Variants in PTPRK observed in about 807,000 individuals in gnomAD.
The protein encoded by PTPRK is protein tyrosine phosphatase receptor type K, also known as receptor-type tyrosine-protein phosphatase kappa.
In PTPRK, 75 loss-of-function variants were observed where a neutral mutation model predicts 178.0. That is an observed-to-expected ratio of 0.42 (90% CI 0.35 to 0.51). The LOEUF is 0.51. Ranked by LOEUF, PTPRK falls within the 20% of genes least tolerant of loss-of-function variation. The pLI is 0.02. For synonymous variants in PTPRK, 637 were observed against 620.6 expected (o/e 1.03, Z -0.39); for missense variants, 1,441 against 1,797.8 (o/e 0.80, Z 3.59).
At position 128,273,503 on chromosome 6, in the gene PTPRK, C is replaced by A. The variant is rs79693709; in HGVS notation, c.496-30901G>T. Among the ~76,000 whole-genome samples, 953 of 152,256 alleles carry A rather than the reference C, an allele frequency of 6.3e-3. 11 individuals are homozygous for A. The highest frequency in any genetic ancestry group is 0.022 in the African/African-American group (902 of 41,558). ...TCCTATGTAAAATTGAGTTTACAAG[C>A]CTTTGAAGCTCAAAACTAAACAACC... On this transcript the variant is annotated intron_variant, in intron 3 of 29. Transcript: ENST00000368226.
chr6:128,107,240 A>T lies in PTPRK; in HGVS notation c.1163-17248T>A, dbSNP rs182261843. On this transcript the variant is annotated intron_variant, in intron 7 of 29. Transcript: ENST00000368226. ...AATTGTTTGTTTTTAGAAGAAATTT[A>T]TAGCATAAATGGAAGGCCTTAAGAA... Among the ~76,000 whole-genome samples, 590 of 152,182 alleles carry T rather than the reference A, an allele frequency of 3.9e-3. 5 individuals are homozygous for T. Among genetic ancestry groups the T allele is most frequent in the African/African-American group, 0.013 (544 of 41,560 alleles).
intron 10 of PTPRK, among the ~76,000 whole-genome samples, chr6:128,081,739 A>G (rs1233952830): frequency 6.6e-6 from 1 of 152,036 alleles, no homozygotes. Context: ...AAAAAACATT[A>G]TATAAACTTT....
chr6:128,101,500 A>G (rs900741298), intron 7 of PTPRK, among the ~76,000 whole-genome samples: 1 of 152,042 alleles, frequency 6.6e-6, no homozygotes, highest in Non-Finnish European at 1.5e-5. Context: ...TAGCAATTCT[A>G]TGTCTTTTTC....
intron 13 of PTPRK, among the ~76,000 whole-genome samples, chr6:128,037,688 GCAT>G (rs563412723): frequency 1.3e-5 from 2 of 152,040 alleles, no homozygotes; most frequent in Non-Finnish European, 2.9e-5. Flanking sequence ...AAACCTCTTA[GCAT>G]CATGTCAGTA....
At position 128,254,402 on chromosome 6, in the gene PTPRK, G is replaced by A. The variant is rs978751060; in HGVS notation, c.496-11800C>T. ...TACGAAGAGATGTAACAAACAATAC[G>A]TTTGACAGTCAGGTTCAACAGGAGA... On this transcript the variant is annotated intron_variant, in intron 3 of 29. Transcript: ENST00000368226. Among the ~76,000 whole-genome samples the A allele has an allele frequency of 6.6e-5, 10 of 152,018 alleles. No homozygotes were observed. The South Asian group carries it at 1.0e-3, about 16-fold the overall frequency.
chr6:128,418,619 T>A (rs914011927), intron 1 of PTPRK, among the ~76,000 whole-genome samples: 1 of 152,138 alleles, frequency 6.6e-6, no homozygotes, highest in East Asian at 1.9e-4. Flanking sequence ...GGAAAAATTG[T>A]CTTCCATGAA....
At chr6:128,147,991 A>G (rs1796728518) in intron 7 of PTPRK, among the ~76,000 whole-genome samples, 1 of 152,154 alleles carries the variant, frequency 6.6e-6, no homozygotes, top group African/African-American at 2.4e-5. Context: ...GATGGAGAAA[A>G]AAAAACCACA....
At chr6:128,494,282 T>G (rs751817823) in intron 1 of PTPRK, among the ~76,000 whole-genome samples, 2 of 152,128 alleles carry the variant, frequency 1.3e-5, no homozygotes, top group Non-Finnish European at 2.9e-5. Context: ...AGATTACGTG[T>G]TATGCTGACA....
chr6:128,132,697 A>G (rs188529437), intron 7 of PTPRK, among the ~76,000 whole-genome samples: 69 of 152,348 alleles, frequency 4.5e-4, no homozygotes, highest in African/African-American at 1.4e-3. Context: ...TGTGAATATC[A>G]TACTCATAAT....
At chr6:128,199,530 T>C (rs1252322870) in intron 6 of PTPRK, among the ~76,000 whole-genome samples, 1 of 147,664 alleles carries the variant, frequency 6.8e-6, no homozygotes, top group Non-Finnish European at 1.5e-5. Context: ...AACTATATGT[T>C]TAATATACAC....
chr6:128,516,711 AT>A (rs1195651707), intron 1 of PTPRK, among the ~76,000 whole-genome samples: 1 of 152,174 alleles, frequency 6.6e-6, no homozygotes, highest in Non-Finnish European at 1.5e-5. Context: ...CTCGAGCTGT[AT>A]TTCCAGGCTC....
At chr6:128,193,028 CT>C (rs1256688446) in intron 6 of PTPRK, among the ~76,000 whole-genome samples, 1 of 152,008 alleles carries the variant, frequency 6.6e-6, no homozygotes, top group Admixed American at 6.6e-5. Flanking sequence ...AGAATCGACA[CT>C]TGGAGAACAC....
chr6:128,375,336 A>G (rs1471533730), intron 2 of PTPRK, among the ~76,000 whole-genome samples: 1 of 151,906 alleles, frequency 6.6e-6, no homozygotes, highest in Non-Finnish European at 1.5e-5. Flanking sequence ...GCAGAAGGCA[A>G]GGAGGAGCAA....
chr6:128,397,627 G>A lies in PTPRK; in HGVS notation c.162C>T (p.Asp54=). 6.2e-7 allele frequency: 1 copy of A among 1,613,620 alleles called. No individual in the cohort carries two copies. Among genetic ancestry groups the A allele is most frequent in the Non-Finnish European group, 8.5e-7 (1 of 1,179,682 alleles). ...GAGCACTAACATGCACCCATTCAAA[G>A]TCATCATACAGATCCTGGTGGTAAT... The part of the protein sequence containing the change: ...ACDYHQDLYD[D]FEWVHVSAQE... Residue 54 remains aspartate (D), a synonymous_variant, in exon 2 of 30, where the codon GAC becomes GAT. Coordinates refer to ENST00000368226, the MANE Select transcript of PTPRK (RefSeq NM_002844.4).
chr6:128,078,807 T>G lies in PTPRK; in HGVS notation c.1883+6A>C, dbSNP rs762078774. On this transcript the variant is annotated splice_donor_region_variant and intron_variant, in intron 11 of 29. Coordinates refer to ENST00000368226, the MANE Select transcript of PTPRK (RefSeq NM_002844.4). ...AGGCAGAACTACTGTAGTTTTCTCC[T>G]CTTACCTGATAGGAGCACCTTTGGC... 2.5e-6 allele frequency: 4 copies of G among 1,595,370 alleles called. No individual in the cohort carries two copies. Among genetic ancestry groups the G allele is most frequent in the Middle Eastern group, 1.7e-4 (1 of 6,004 alleles).
At chr6:128,246,219 G>A (rs1815430153) in intron 3 of PTPRK, among the ~76,000 whole-genome samples, 1 of 152,032 alleles carries the variant, frequency 6.6e-6, no homozygotes, top group South Asian at 2.1e-4. Flanking sequence ...ACACATCATT[G>A]TTGGTTATTT....
chr6:128,004,235 C>A (rs1364159908), intron 15 of PTPRK, among the ~76,000 whole-genome samples: 1 of 151,708 alleles, frequency 6.6e-6, no homozygotes, highest in African/African-American at 2.4e-5. Context: ...AAGAGATATA[C>A]CTGATTTGCC....
rs534673847 is a variant in PTPRK at position 128,296,580 on chromosome 6, A to C, written c.495+25459T>G. On this transcript the variant is annotated intron_variant, in intron 3 of 29. Transcript: ENST00000368226. ...GTGGGGGCCAATATTCAACATTCTT[A>C]AAGAAAAGAATTTTCAACCCAGAAT... is the stretch of plus-strand genomic sequence containing the variant. Among the ~76,000 whole-genome samples, 285 of 152,302 alleles carry C rather than the reference A, an allele frequency of 1.9e-3. 2 individuals carry two copies. The highest frequency in any genetic ancestry group is 6.0e-3 in the African/African-American group (250 of 41,578).
intron 1 of PTPRK, among the ~76,000 whole-genome samples, chr6:128,399,715 A>C (rs2128370615): frequency 6.6e-6 from 1 of 152,336 alleles, no homozygotes; most frequent in African/African-American, 2.4e-5. Flanking sequence ...TGGGACCCAC[A>C]TTGACTCATT....
Sources: gnomAD v4.1 joint callset for allele counts (sites outside exome capture counted in the v4.1 genomes callset) on GRCh38, gnomAD v4.1.1 for gene constraint, MANE v1.5 for transcripts, NCBI Gene and HGNC (gene_info 2026-07-23, HGNC 2026-07-21) for gene names.